CSMD1: variants seen among roughly 807,000 people sequenced by gnomAD.
CSMD1 encodes the protein CUB and sushi domain-containing protein 1.
CSMD1 carries 213 observed loss-of-function variants against 417.5 expected under a neutral mutation model. That is an observed-to-expected ratio of 0.51 (90% CI 0.46 to 0.57). The LOEUF (loss-of-function observed/expected upper bound fraction) is 0.57, where lower values mean the gene tolerates loss of function less well. CSMD1 is among the 20% of genes least tolerant of loss of function. The pLI, the probability that CSMD1 is intolerant of heterozygous loss-of-function variation, is 0.00. For synonymous variants in CSMD1, 2,862 were observed against 1,736.8 expected (o/e 1.65, Z -16.11); for missense variants, 6,923 against 4,529.7 (o/e 1.53, Z -15.17).
At position 3,949,938 on chromosome 8, in the gene CSMD1, A is replaced by G. The variant is rs1333176485; in HGVS notation, c.818+47965T>C. 6.6e-6 allele frequency: 3 copies of G among 455,882 alleles called. No individual in the cohort carries two copies. In the Admixed American group the frequency reaches 7.1e-5, roughly 11 times the overall value. 28.2% of individuals were successfully genotyped at this position (455,882 alleles called of 1,614,324 possible). The stretch of plus-strand genomic sequence containing the variant: ...GTGTTGAGGCAGGACGTGAAAACAC[A>G]CATGGAGAGGTTCATGCCAGCAGAG... On this transcript the variant is annotated intron_variant, in intron 5 of 69. Transcript: ENST00000635120.
intron 32 of CSMD1, among the ~76,000 whole-genome samples, chr8:3,200,933 G>A (rs1374040872): frequency 6.6e-6 from 1 of 152,170 alleles, no homozygotes; most frequent in African/African-American, 2.4e-5. Flanking sequence ...TGATGAAAAT[G>A]TATCAGTACA....
intron 1 of CSMD1, among the ~76,000 whole-genome samples, chr8:4,724,610 T>C (rs1454425628): frequency 6.6e-6 from 1 of 151,736 alleles, no homozygotes; most frequent in Non-Finnish European, 1.5e-5. Flanking sequence ...ACATAATATA[T>C]TATGTGATAT....
chr8:3,728,098 T>C (rs150952220), intron 6 of CSMD1, among the ~76,000 whole-genome samples: 9 of 152,222 alleles, frequency 5.9e-5, no homozygotes, highest in Admixed American at 4.6e-4. Flanking sequence ...TCATCTTGAA[T>C]TGTAGCTCCC....
chr8:4,968,729 T>C (rs1210360384), intron 1 of CSMD1, among the ~76,000 whole-genome samples: 1 of 152,138 alleles, frequency 6.6e-6, no homozygotes, highest in Non-Finnish European at 1.5e-5. Context: ...AAACGTTTGC[T>C]GGTTTAGTTA....
chr8:3,102,801 T>A (rs970760889), intron 46 of CSMD1, among the ~76,000 whole-genome samples: 6 of 152,228 alleles, frequency 3.9e-5, no homozygotes, highest in Non-Finnish European at 8.8e-5. Flanking sequence ...CCAGCGCCTT[T>A]ATACAAAGCC....
chr8:3,620,412 C>A (rs116210577), intron 7 of CSMD1, among the ~76,000 whole-genome samples: 1 of 152,120 alleles, frequency 6.6e-6, no homozygotes, highest in Admixed American at 6.5e-5. Context: ...TGACTTAAAA[C>A]CCCCATGTTC....
intron 1 of CSMD1, among the ~76,000 whole-genome samples, chr8:4,656,144 G>A (rs78852043): frequency 6.6e-6 from 1 of 151,984 alleles, no homozygotes; most frequent in East Asian, 1.9e-4. Flanking sequence ...GTGATGTGAA[G>A]CAAGGATTAA....
chr8:4,471,517 G>A (rs1009103473), intron 2 of CSMD1, among the ~76,000 whole-genome samples: 25 of 152,074 alleles, frequency 1.6e-4, no homozygotes, highest in African/African-American at 5.8e-4. Flanking sequence ...GTGGTCACAG[G>A]ACGGCACTTC....
chr8:4,947,867 T>G (rs776204816), intron 1 of CSMD1, among the ~76,000 whole-genome samples: 2 of 152,122 alleles, frequency 1.3e-5, no homozygotes, highest in South Asian at 4.1e-4. Flanking sequence ...CAAAATATCA[T>G]TTTGTGAACA....
chr8:4,375,263 A>T (rs1802658469), intron 3 of CSMD1, among the ~76,000 whole-genome samples: 1 of 152,172 alleles, frequency 6.6e-6, no homozygotes, highest in Admixed American at 6.5e-5. Context: ...AGTTGTCCAT[A>T]AACAGACTTC....
Position 3,409,410 on chromosome 8 carries a change from G to A in CSMD1, c.1744+13C>T, listed in dbSNP as rs1457527683. ...AGGACAGGAGGGAGTCCAGGTCAAG[G>A]CATAATACTCACATACACAGCTGGG... On this transcript the variant is annotated intron_variant, in intron 13 of 69. Transcript: ENST00000635120. 3.1e-6 allele frequency: 5 copies of A among 1,601,090 alleles called. No individual in the cohort carries two copies. The highest frequency in any genetic ancestry group is 4.5e-5 in the East Asian group (2 of 44,448).
intron 3 of CSMD1, among the ~76,000 whole-genome samples, chr8:4,259,949 A>G (rs1380467849): frequency 1.3e-5 from 2 of 152,156 alleles, no homozygotes; most frequent in Admixed American, 6.5e-5. Flanking sequence ...TTGCTAACAA[A>G]TGTAATTGTT....
chr8:3,686,547 G>C (rs193137652), intron 7 of CSMD1, among the ~76,000 whole-genome samples: 11 of 152,266 alleles, frequency 7.2e-5, no homozygotes, highest in Admixed American at 4.6e-4. Context: ...GCAGGAGATA[G>C]AATTCCCATA....
intron 5 of CSMD1, among the ~76,000 whole-genome samples, chr8:3,776,843 T>A (rs1375362294): frequency 1.3e-5 from 2 of 149,064 alleles, no homozygotes; most frequent in East Asian, 4.0e-4. Flanking sequence ...AGATCATACA[T>A]AGAATGACAG....
At chr8:3,260,667 C>G (rs915339688) in intron 26 of CSMD1, among the ~76,000 whole-genome samples, 2 of 151,508 alleles carry the variant, frequency 1.3e-5, no homozygotes, top group Non-Finnish European at 2.9e-5. Flanking sequence ...TTATATTTTC[C>G]AAAGTAATAC....
At chr8:3,583,167 A>G (rs1351567665) in intron 9 of CSMD1, among the ~76,000 whole-genome samples, 1 of 151,906 alleles carries the variant, frequency 6.6e-6, no homozygotes, top group African/African-American at 2.4e-5. Flanking sequence ...TGCCAGCCCT[A>G]CCAATCATGT....
At chr8:4,421,804 CAG>C (rs891515566) in intron 2 of CSMD1, among the ~76,000 whole-genome samples, 10 of 151,208 alleles carry the variant, frequency 6.6e-5, no homozygotes, top group African/African-American at 1.9e-4. Flanking sequence ...CTAAAGCAAA[CAG>C]AAAGCAAAAA....
chr8:3,880,466 C>G (rs1250371831), intron 5 of CSMD1, among the ~76,000 whole-genome samples: 1 of 152,176 alleles, frequency 6.6e-6, no homozygotes, highest in Non-Finnish European at 1.5e-5. Flanking sequence ...CTTGAGATAT[C>G]TCGCTGCTTC....
At chr8:4,116,860 G>A (rs1385656328) in intron 3 of CSMD1, among the ~76,000 whole-genome samples, 3 of 151,882 alleles carry the variant, frequency 2.0e-5, no homozygotes, top group African/African-American at 2.4e-5. Flanking sequence ...GGCATTTACT[G>A]TACAATGTGC....
Sources: allele counts gnomAD v4.1 joint callset (sites outside exome capture counted in the v4.1 genomes callset), GRCh38; gene constraint gnomAD v4.1.1; transcripts MANE v1.5; gene names NCBI Gene and HGNC (gene_info 2026-07-23, HGNC 2026-07-21).